MYSM1: variants seen among roughly 807,000 people sequenced by gnomAD.
The protein encoded by MYSM1 is deubiquitinase MYSM1.
MYSM1 carries 51 observed loss-of-function variants against 116.0 expected under a neutral mutation model. The ratio of observed to expected loss-of-function variants is 0.44; its 90% CI spans 0.35 to 0.56. The LOEUF is 0.56. Ranked by LOEUF, MYSM1 falls within the 20% of genes least tolerant of loss-of-function variation. MYSM1 has a pLI of 0.00. For missense variants in MYSM1, 900 were observed against 974.9 expected (o/e 0.92, Z 1.02); for synonymous variants, 313 against 315.2 (o/e 0.99, Z 0.07).
intron 12 of MYSM1, 45 bp from the exon 13 acceptor site, chr1:58,669,083 GA>G: frequency 7.5e-7 from 1 of 1,335,512 alleles, no homozygotes. Flanking sequence ...ACAAGATTAG[GA>G]AAATAACATT....
In MYSM1 at chr1:58,668,659, A is replaced by T. The variant is rs1297053097; in HGVS notation, c.1740T>A (p.Ala580=). ...AATCCATTATTAAAAGTGCTTCTGA[A>T]GCCACTTTCACCTGAAATGGCTCCT... The part of the protein sequence containing the change: ...EKQEPFQVKV[A]SEALLIMDLH... Residue 580 remains alanine, a synonymous_variant, in exon 14 of 20, where the codon GCT becomes GCA. Coordinates refer to ENST00000472487, the MANE Select transcript of MYSM1 (RefSeq NM_001085487.3). 6.2e-7 allele frequency: 1 copy of T among 1,606,524 alleles called. No individual in the cohort carries two copies. The highest frequency in any genetic ancestry group is 2.2e-5 in the East Asian group (1 of 44,802).
At chr1:58,682,576 A>G (rs776642431) in intron 7 of MYSM1, 31 bp from the exon 8 acceptor site, 15 of 1,518,530 alleles carry the variant, frequency 9.9e-6, no homozygotes, top group Non-Finnish European at 1.3e-5. Context: ...AATCCCCATA[A>G]TATTAAGATT....
At chr1:58,699,710 A>T in intron 1 of MYSM1, 3 of 985,390 alleles carry the variant, frequency 3.0e-6, no homozygotes, top group Non-Finnish European at 3.6e-6. Context: ...TCTAAATGTA[A>T]ATCAAACGCA....
intron 13 of MYSM1, 40 bp downstream of exon 13, chr1:58,668,944 G>T (rs376463791): frequency 3.4e-6 from 5 of 1,473,922 alleles, no homozygotes; most frequent in Non-Finnish European, 4.7e-6. Flanking sequence ...ACGGGGAAGC[G>T]GGGATTGTCT....
At position 58,659,104 on chromosome 1, in the gene MYSM1, G is replaced by A. The variant is rs1344834757; in HGVS notation, c.*893C>T. On this transcript the variant is annotated 3_prime_UTR_variant, in exon 20 of 20. Coordinates refer to ENST00000472487, the MANE Select transcript of MYSM1 (RefSeq NM_001085487.3). ...CTGACCTCCATTATAGATTCAGAAA[G>A]CATATGAAACTGGGCTGAATATGTA... 7.5e-6 allele frequency: 1 copy of A among 134,200 alleles called. No homozygotes were observed. Among genetic ancestry groups the A allele is most frequent in the African/African-American group, 2.6e-5 (1 of 38,306 alleles). 8.3% of individuals were successfully genotyped at this position (134,200 alleles called of 1,614,324 possible).
chr1:58,679,483 G>A (rs920419734), intron 8 of MYSM1, among the ~76,000 whole-genome samples: 3 of 152,122 alleles, frequency 2.0e-5, no homozygotes, highest in African/African-American at 7.2e-5. Flanking sequence ...TTAAGAGACA[G>A]GATCTTGCTC....
At position 58,665,505 on chromosome 1, in the gene MYSM1, A is replaced by G; in HGVS notation, c.2158T>C (p.Ser720Pro). 2 of 1,592,426 alleles carry G rather than the reference A, an allele frequency of 1.3e-6. No homozygotes were observed. The highest frequency in any genetic ancestry group is 1.7e-6 in the Non-Finnish European group (2 of 1,170,250). Residue 720 changes from serine (S) to proline (P), a missense_variant, in exon 17 of 20, where the codon TCT (serine) becomes CCT (proline). By Grantham distance (74) the Ser-to-Pro change is moderately conservative. Transcript: ENST00000472487. ...VISEEISPDG[S>P]YRLPYKFEVQ... ...ATTTTTGTTGAAAACTTACGATAAG[A>G]GCCATCTGGGCTAATTTCCTCACTT...
chr1:58,668,786 G>A, intron 13 of MYSM1, 104 bp from the exon 14 acceptor site: 1 of 1,105,324 alleles, frequency 9.0e-7, no homozygotes, highest in Non-Finnish European at 1.3e-6. Flanking sequence ...ACCCCACCAA[G>A]TTCTCAGCAC....
At position 58,688,974 on chromosome 1, in the gene MYSM1, T is replaced by G. The variant is rs185628850; in HGVS notation, c.399+64A>C. The G allele has an allele frequency of 7.0e-6, 10 of 1,419,148 alleles. No homozygotes were observed. In the Admixed American group the frequency reaches 1.2e-4, roughly 17 times the overall value. 87.9% of individuals were successfully genotyped at this position (1,419,148 alleles called of 1,614,324 possible). On this transcript the variant is annotated intron_variant, in intron 6 of 19. Transcript: ENST00000472487. ...AGGTCTCTATAAATTAATTTAACCT[T>G]ATAACTTTACCAATATTTGCTTCTA...
In MYSM1 at chr1:58,689,055, G is replaced by A; in HGVS notation, c.382C>T (p.Leu128=). ...SVKWTIEEKE[L]FEQGLAKFGR... ...CTATTTACCAGCCCTTGTTCAAACA[G>A]CTCTTTTTCTTCTATCGTCCACTTT... The change falls in exon 6 of 20, where the codon CTG becomes TTG. Residue 128 remains leucine (L), a synonymous_variant. Transcript: ENST00000472487. 1 of 1,611,058 alleles carries A rather than the reference G, an allele frequency of 6.2e-7. No homozygotes were observed. Among genetic ancestry groups the A allele is most frequent in the Admixed American group, 1.7e-5 (1 of 59,156 alleles).
chr1:58,690,326 T>C lies in MYSM1; in HGVS notation c.296+14A>G. 1 of 1,592,748 alleles carries C rather than the reference T, an allele frequency of 6.3e-7. No homozygotes were observed. The highest frequency in any genetic ancestry group is 8.5e-7 in the Non-Finnish European group (1 of 1,170,844). ...ACAATCCAGACTTTTAGAAATATTA[T>C]AAATTGATTTTACCTCTTCATGTAT... On this transcript the variant is annotated intron_variant, in intron 4 of 19. Coordinates refer to ENST00000472487, the MANE Select transcript of MYSM1 (RefSeq NM_001085487.3).
chr1:58,678,006 T>C (rs1188371899), intron 8 of MYSM1, among the ~76,000 whole-genome samples: 1 of 152,166 alleles, frequency 6.6e-6, no homozygotes, highest in East Asian at 1.9e-4. Context: ...TTCTAAGCAC[T>C]AGAGATACAC....
Position 58,685,260 on chromosome 1 carries a change from T to C in MYSM1, c.400-9A>G. 6.3e-7 allele frequency: 1 copy of C among 1,598,742 alleles called. No individual in the cohort carries two copies. Among genetic ancestry groups the C allele is most frequent in the Non-Finnish European group, 8.5e-7 (1 of 1,173,884 alleles). ...CTTCGGCCAAATTTAGCCTGTATTA[T>C]TAAAATGGGAAAAAAAATTGCTTTT... is the stretch of plus-strand genomic sequence containing the variant. On this transcript the variant is annotated splice_polypyrimidine_tract_variant and intron_variant, in intron 6 of 19. Coordinates refer to ENST00000472487, the MANE Select transcript of MYSM1 (RefSeq NM_001085487.3).
rs778935249 is a variant in MYSM1, at chr1:58,667,931, A to G, written c.1768-10T>C. On this transcript the variant is annotated splice_polypyrimidine_tract_variant and intron_variant, in intron 14 of 19. Transcript: ENST00000472487. ...TAGAAACATGAGCATGCTAAAAGAA[A>G]TACAAGACAGACTTAGCCCAAACGC... is the stretch of plus-strand genomic sequence containing the variant. The G allele has an allele frequency of 2.5e-6, 4 of 1,605,600 alleles. No individual in the cohort carries two copies. The South Asian group carries it at 3.3e-5, about 13-fold the overall frequency.
intron 14 of MYSM1, 138 bp from the exon 15 acceptor site, chr1:58,668,059 C>T: frequency 1.5e-6 from 1 of 679,582 alleles, no homozygotes; most frequent in Non-Finnish European, 2.7e-6. Flanking sequence ...AGGAGAGGAA[C>T]TAGATGCTAG....
intron 1 of MYSM1, among the ~76,000 whole-genome samples, chr1:58,699,457 G>A (rs1020433671): frequency 6.6e-6 from 1 of 152,084 alleles, no homozygotes; most frequent in Non-Finnish European, 1.5e-5. Flanking sequence ...CTGGTAGGGC[G>A]AGCAAATGCA....
intron 1 of MYSM1, among the ~76,000 whole-genome samples, chr1:58,699,471 G>A (rs1645031580): frequency 6.6e-6 from 1 of 152,072 alleles, no homozygotes; most frequent in Non-Finnish European, 1.5e-5. Context: ...AAATGCAGAA[G>A]GAAAACCCAG....
chr1:58,661,687 G>GT, intron 17 of MYSM1, among the ~76,000 whole-genome samples, 176 bp from the exon 18 acceptor site: 1 of 152,088 alleles, frequency 6.6e-6, no homozygotes, highest in African/African-American at 2.4e-5. Context: ...ATTGTACTTG[G>GT]TCCACTAAGC....
intron 1 of MYSM1, chr1:58,699,640 G>GC: frequency 3.0e-6 from 3 of 985,450 alleles, no homozygotes; most frequent in Non-Finnish European, 3.6e-6. Context: ...CTCGTCCGTA[G>GC]CCGCTCTTGT....
Sources: gnomAD v4.1 joint callset for allele counts (sites outside exome capture counted in the v4.1 genomes callset) on GRCh38, gnomAD v4.1.1 for gene constraint, MANE v1.5 for transcripts, NCBI Gene and HGNC (gene_info 2026-07-23, HGNC 2026-07-21) for gene names.